The following LINGO2 variants were observed in gnomAD, a reference collection of about 807,000 sequenced individuals.
LINGO2 encodes the protein leucine rich repeat and Ig domain containing 2, also known as leucine-rich repeat and immunoglobulin-like domain-containing nogo receptor-interacting protein 2.
A neutral mutation model predicts 30.6 loss-of-function variants in LINGO2; 14 were observed. That is an observed-to-expected ratio of 0.46 (90% CI 0.30 to 0.72). The LOEUF (loss-of-function observed/expected upper bound fraction) is 0.72, where lower values mean the gene tolerates loss of function less well. Among genes scored for constraint, LINGO2 ranks in the 30% least tolerant of loss-of-function variants. LINGO2 has a pLI of 0.07. For missense variants in LINGO2, 729 were observed against 751.7 expected, an observed-to-expected ratio of 0.97 and a Z score of 0.35; for synonymous variants, 317 against 288.5, an observed-to-expected ratio of 1.10 and a Z score of -1.00.
intron 3 of LINGO2, among the ~76,000 whole-genome samples, chr9:28,298,066 T>C (rs10968467): frequency 0.1 from 15,817 of 152,192 alleles, 1,075 homozygotes; most frequent in Middle Eastern, 0.26. Context: ...ACCAATTCCA[T>C]GACATTGGTT....
the LINGO2 span, among the ~76,000 whole-genome samples, chr9:29,120,039 T>G: frequency 6.6e-6 from 1 of 152,146 alleles, no homozygotes; most frequent in East Asian, 1.9e-4. Flanking sequence ...TTGAACCAGG[T>G]TGGAGTATTC....
intron 4 of LINGO2, among the ~76,000 whole-genome samples, chr9:28,189,297 A>AAGGGAGGG (rs1819671811): frequency 4.2e-5 from 1 of 23,806 alleles, no homozygotes; most frequent in Non-Finnish European, 9.5e-5. Context: ...GGGAGGAAGG[A>AAGGGAGGG]AGGAAGGGAG....
chr9:28,149,827 G>C (rs533124127), intron 4 of LINGO2, among the ~76,000 whole-genome samples: 2 of 148,442 alleles, frequency 1.3e-5, no homozygotes, highest in African/African-American at 5.0e-5. Flanking sequence ...ACCTCTGCCC[G>C]GCCGCCTCAC....
At chr9:28,783,592 A>G in the LINGO2 span, among the ~76,000 whole-genome samples, 1 of 152,178 alleles carries the variant, frequency 6.6e-6, no homozygotes, top group Admixed American at 6.5e-5. Context: ...CCCAGTGCCA[A>G]TACTCTTTCT....
the LINGO2 span, among the ~76,000 whole-genome samples, chr9:29,036,766 C>G: frequency 6.6e-6 from 1 of 151,780 alleles, no homozygotes; most frequent in Non-Finnish European, 1.5e-5. Flanking sequence ...CAGAGACAGA[C>G]TTGGTATGGA....
the LINGO2 span, among the ~76,000 whole-genome samples, chr9:29,079,816 C>A: frequency 0.068 from 10,289 of 151,964 alleles, 392 homozygotes; most frequent in Non-Finnish European, 0.092. Context: ...AGAAGATGAA[C>A]AAGCAAGTGC....
chr9:28,066,838 G>C (rs187879006), intron 4 of LINGO2, among the ~76,000 whole-genome samples: 1 of 151,948 alleles, frequency 6.6e-6, no homozygotes, highest in Non-Finnish European at 1.5e-5. Context: ...ATATTTCTCT[G>C]AGGTCATCAA....
intron 4 of LINGO2, among the ~76,000 whole-genome samples, chr9:28,057,525 A>ATG (rs1206279257): frequency 1.4e-5 from 2 of 147,482 alleles, no homozygotes; most frequent in Admixed American, 1.4e-4. Context: ...ATGTGTGTAT[A>ATG]TATATACACA....
intron 3 of LINGO2, among the ~76,000 whole-genome samples, chr9:28,319,817 C>T (rs1824974065): frequency 6.6e-6 from 1 of 152,018 alleles, no homozygotes; most frequent in African/African-American, 2.4e-5. Context: ...TTTGTCCAAA[C>T]TCATAGAACT....
At chr9:28,321,860 G>A (rs935588281) in intron 3 of LINGO2, among the ~76,000 whole-genome samples, 6 of 152,004 alleles carry the variant, frequency 3.9e-5, no homozygotes, top group Non-Finnish European at 8.8e-5. Flanking sequence ...AATTCCATTG[G>A]ATGTTAGGAC....
At chr9:27,984,102 A>C (rs1162154104) in intron 5 of LINGO2, among the ~76,000 whole-genome samples, 1 of 151,870 alleles carries the variant, frequency 6.6e-6, no homozygotes, top group African/African-American at 2.4e-5. Flanking sequence ...CAAACAGAAA[A>C]ACAAGATTTT....
chr9:28,000,240 A>T (rs1185587029), intron 5 of LINGO2, among the ~76,000 whole-genome samples: 1 of 152,182 alleles, frequency 6.6e-6, no homozygotes, highest in Non-Finnish European at 1.5e-5. Context: ...ATCAACTTGT[A>T]AGCTTTTTGG....
chr9:28,433,914 G>GCTCGCT lies in LINGO2; in HGVS notation c.-279+42025_-279+42026insAGCGAG, dbSNP rs1554720583. 1.7e-4 allele frequency among the ~76,000 whole-genome samples: 14 copies of GCTCGCT among 83,854 alleles called. 1 individual carries two copies. The highest frequency in any genetic ancestry group is 4.6e-4 in the African/African-American group (11 of 24,012). 55.0% of individuals were successfully genotyped at this position (83,854 alleles called of 152,430 possible). On this transcript the variant is annotated intron_variant, in intron 2 of 5. Transcript: ENST00000379992. ...ACCAATGAGTGGATAAAGAAAATGT[G>GCTCGCT]CTCTCTCTTTCTCTCTCTCTCTCTC...
At chr9:28,933,196 C>T in the LINGO2 span, among the ~76,000 whole-genome samples, 1 of 152,068 alleles carries the variant, frequency 6.6e-6, no homozygotes, top group Non-Finnish European at 1.5e-5. Context: ...CATGAGCCAC[C>T]GTGCCCAGCC....
chr9:29,041,623 C>A, the LINGO2 span, among the ~76,000 whole-genome samples: 1 of 151,862 alleles, frequency 6.6e-6, no homozygotes, highest in African/African-American at 2.4e-5. Flanking sequence ...TGTAACTCAA[C>A]CTAAACCTCT....
rs775708325 is a variant in LINGO2, at chr9:28,146,214, T to G, written c.-86-133809A>C. Among the ~76,000 whole-genome samples, 223 of 152,274 alleles carry G rather than the reference T, an allele frequency of 1.5e-3. 2 individuals carry two copies. The highest frequency in any genetic ancestry group is 6.2e-4 in the South Asian group (3 of 4,822). On this transcript the variant is annotated intron_variant, in intron 4 of 5. Transcript: ENST00000379992. ...CTGCCCACAGGTCAAGAGAAAGCAG[T>G]CAGTCTTAAACTTGGCTTGAATAGT...
At chr9:28,019,577 G>T (rs1026727149) in intron 4 of LINGO2, among the ~76,000 whole-genome samples, 1 of 152,008 alleles carries the variant, frequency 6.6e-6, no homozygotes, top group Admixed American at 6.6e-5. Context: ...GAGTAAAATA[G>T]CAAATAAAGT....
intron 1 of LINGO2, among the ~76,000 whole-genome samples, chr9:28,539,303 A>G (rs1319955511): frequency 6.6e-6 from 1 of 152,164 alleles, no homozygotes; most frequent in Non-Finnish European, 1.5e-5. Flanking sequence ...CTATATGTCT[A>G]GAATAGTACC....
At chr9:28,994,582 C>G in the LINGO2 span, among the ~76,000 whole-genome samples, 3 of 151,018 alleles carry the variant, frequency 2.0e-5, no homozygotes, top group Admixed American at 2.0e-4. Flanking sequence ...GCCAAAAGAA[C>G]AAAGCTGGAG....
Sources: gnomAD v4.1 joint callset for allele counts (sites outside exome capture counted in the v4.1 genomes callset) on GRCh38, gnomAD v4.1.1 for gene constraint, MANE v1.5 for transcripts, NCBI Gene and HGNC (gene_info 2026-07-23, HGNC 2026-07-21) for gene names.